Variants in HELZ observed in about 807,000 individuals in gnomAD.
HELZ encodes ATP-dependent RNA helicase with zinc finger domain.
Under a neutral mutation model 218.2 loss-of-function variants are expected in HELZ, and 23 were observed. The observed-to-expected ratio is 0.11, with a 90% CI of 0.08 to 0.15. HELZ has a LOEUF of 0.15. Ranked by LOEUF, HELZ falls within the 10% of genes least tolerant of loss-of-function variation. The probability of loss-of-function intolerance (pLI) is 1.00; values close to 1 mark genes in which losing one functional copy is unlikely to be tolerated. For synonymous variants in HELZ, 814 were observed against 829.4 expected, an observed-to-expected ratio of 0.98 and a Z score of 0.32; for missense variants, 1,813 against 2,353.7, an observed-to-expected ratio of 0.77 and a Z score of 4.75.
rs9891672 is a variant in HELZ, at chr17:67,231,465, C to T, written c.-19+7968G>A. 1.8e-3 allele frequency among the ~76,000 whole-genome samples: 274 copies of T among 151,762 alleles called. 1 individual carries two copies. Among genetic ancestry groups the T allele is most frequent in the African/African-American group, 6.2e-3 (257 of 41,420 alleles). On this transcript the variant is annotated intron_variant, in intron 3 of 32. Coordinates refer to ENST00000358691, the MANE Select transcript of HELZ (RefSeq NM_014877.4). ...ACAATTAGCCAGGCGTGGTGGCAGG[C>T]GCCTGTAGTCCTAGCTACTCGGGAG...
At chr17:67,209,631 T>C (rs1032674708) in intron 5 of HELZ, among the ~76,000 whole-genome samples, 1 of 152,088 alleles carries the variant, frequency 6.6e-6, no homozygotes, top group African/African-American at 2.4e-5. Flanking sequence ...AGCTGAAGTA[T>C]ACACAAGTAG....
At chr17:67,204,085 A>G (rs1385503646) in intron 5 of HELZ, among the ~76,000 whole-genome samples, 1 of 152,234 alleles carries the variant, frequency 6.6e-6, no homozygotes, top group Non-Finnish European at 1.5e-5. Flanking sequence ...CAATTAGTAG[A>G]GCAATCTATA....
Position 67,070,850 on chromosome 17 carries a change from A to AACCTGACCACC in HELZ, c.*7391_*7401dup, listed in dbSNP as rs2035869200. Reference sequence around the variant, plus strand: ...GTATAACTGGTACTTTGAAGAGATGAACCTGACCACCTCAGTTTTGTACAG... The same window carrying AACCTGACCACC: ...GTATAACTGGTACTTTGAAGAGATGAACCTGACCACCACCTGACCACCTCAGTTTTGTACAG... On this transcript the variant is annotated 3_prime_UTR_variant, in exon 33 of 33. Coordinates refer to ENST00000358691, the MANE Select transcript of HELZ (RefSeq NM_014877.4). 1 of 152,182 alleles carries AACCTGACCACC rather than the reference A, an allele frequency of 6.6e-6. No homozygotes were observed. The highest frequency in any genetic ancestry group is 1.5e-5 in the Non-Finnish European group (1 of 68,026). 9.4% of individuals were successfully genotyped at this position (152,182 alleles called of 1,614,324 possible).
chr17:67,109,458 G>C lies in HELZ; in HGVS notation c.4147C>G (p.Gln1383Glu). ...IPQQHTLLNQ[Q>E]QNNLPEQPNQ... ...GGTTGTTCAGGCAAATTATTCTGCT[G>C]CTGATTTAACAAGGTGTGCTGCTGT... The change falls in exon 29 of 33, where the codon CAG (glutamine) becomes GAG (glutamate). Residue 1383 changes from glutamine (Q) to glutamate (E), a missense_variant. Gln to Glu is a conservative substitution (Grantham distance 29). Coordinates refer to ENST00000358691, the MANE Select transcript of HELZ (RefSeq NM_014877.4). 4 of 1,614,166 alleles carry C rather than the reference G, an allele frequency of 2.5e-6. No homozygotes were observed. The highest frequency in any genetic ancestry group is 1.1e-5 in the South Asian group (1 of 91,072).
chr17:67,114,274 G>T, intron 28 of HELZ, 50 bp downstream of exon 28: 2 of 1,189,036 alleles, frequency 1.7e-6, no homozygotes, highest in South Asian at 1.2e-5. Flanking sequence ...ATTCCAAGAT[G>T]ACCAATCAGA....
At chr17:67,213,202 G>A (rs2040502330) in intron 5 of HELZ, among the ~76,000 whole-genome samples, 1 of 152,148 alleles carries the variant, frequency 6.6e-6, no homozygotes, top group African/African-American at 2.4e-5. Context: ...GAAGAAAAAG[G>A]AACTATTTCT....
chr17:67,096,920 T>C (rs1194241585), intron 31 of HELZ, among the ~76,000 whole-genome samples: 3 of 152,250 alleles, frequency 2.0e-5, no homozygotes, highest in Non-Finnish European at 4.4e-5. Flanking sequence ...CTAACTGTTA[T>C]AAGAGGCCTA....
rs1488881864 is a variant in HELZ, at chr17:67,166,461, A to G, written c.1895+17T>C. On this transcript the variant is annotated intron_variant, in intron 15 of 32. Coordinates refer to ENST00000358691, the MANE Select transcript of HELZ (RefSeq NM_014877.4). ...TATTAACCTAACTTCCTTTAATAAG[A>G]TATCGCCTTTTTGTACCTGTTAGGA... 1 of 1,599,058 alleles carries G rather than the reference A, an allele frequency of 6.3e-7. No homozygotes were observed. Among genetic ancestry groups the G allele is most frequent in the African/African-American group, 1.3e-5 (1 of 74,558 alleles).
chr17:67,211,476 C>T (rs1387143704), intron 5 of HELZ, among the ~76,000 whole-genome samples: 3 of 152,116 alleles, frequency 2.0e-5, no homozygotes, highest in Admixed American at 1.3e-4. Context: ...TATGGCAAAA[C>T]ATTAGTTGTT....
At chr17:67,122,359 C>T (rs1283687057) in intron 26 of HELZ, among the ~76,000 whole-genome samples, 1 of 152,182 alleles carries the variant, frequency 6.6e-6, no homozygotes, top group Non-Finnish European at 1.5e-5. Context: ...TCCTGGCTAA[C>T]ATGGTGAAAC....
intron 15 of HELZ, among the ~76,000 whole-genome samples, chr17:67,164,811 G>A (rs953163322): frequency 3.3e-5 from 5 of 152,116 alleles, no homozygotes; most frequent in Admixed American, 2.6e-4. Context: ...ATACACAGGC[G>A]CTTTGGCTTA....
intron 31 of HELZ, among the ~76,000 whole-genome samples, chr17:67,088,962 C>T (rs1387249777): frequency 6.6e-6 from 1 of 152,172 alleles, no homozygotes; most frequent in Non-Finnish European, 1.5e-5. Context: ...AACCCTGGAT[C>T]ACAATGGCTG....
intron 7 of HELZ, among the ~76,000 whole-genome samples, chr17:67,200,023 C>T (rs887841791): frequency 6.6e-6 from 1 of 152,182 alleles, no homozygotes; most frequent in Non-Finnish European, 1.5e-5. Context: ...AATTTATTTA[C>T]TTGTTGTCTA....
chr17:67,141,659 A>T (rs2038329185), intron 21 of HELZ, among the ~76,000 whole-genome samples: 1 of 152,066 alleles, frequency 6.6e-6, no homozygotes, highest in Admixed American at 6.5e-5. Flanking sequence ...ATTTAATAAA[A>T]ATTTGAAGTA....
At chr17:67,112,447 C>T (rs1274995154) in intron 28 of HELZ, among the ~76,000 whole-genome samples, 5 of 152,180 alleles carry the variant, frequency 3.3e-5, no homozygotes, top group Non-Finnish European at 5.9e-5. Context: ...ACATGCCACT[C>T]GTTCTCTCTC....
intron 25 of HELZ, 67 bp downstream of exon 25, chr17:67,123,895 TG>T (rs2037700791): frequency 9.7e-7 from 1 of 1,032,370 alleles, no homozygotes; most frequent in Non-Finnish European, 1.5e-6. Flanking sequence ...CTCTTTCTTG[TG>T]GTGAAATTTG....
intron 32 of HELZ, among the ~76,000 whole-genome samples, chr17:67,084,458 C>T (rs1181934737): frequency 1.3e-5 from 2 of 151,078 alleles, no homozygotes; most frequent in Non-Finnish European, 3.0e-5. Context: ...GTCAGGAGAT[C>T]GAGACCATCC....
intron 31 of HELZ, among the ~76,000 whole-genome samples, chr17:67,088,263 T>C (rs1251874528): frequency 6.6e-6 from 1 of 152,202 alleles, no homozygotes; most frequent in Non-Finnish European, 1.5e-5. Context: ...AAATGATAAA[T>C]CTGCTGTTCA....
intron 32 of HELZ, among the ~76,000 whole-genome samples, chr17:67,086,061 A>G (rs757607847): frequency 1.3e-5 from 2 of 152,214 alleles, no homozygotes; most frequent in Non-Finnish European, 2.9e-5. Context: ...ATTATATAGC[A>G]AATTGTCAAC....
Sources: allele counts gnomAD v4.1 joint callset (sites outside exome capture counted in the v4.1 genomes callset), GRCh38; gene constraint gnomAD v4.1.1; transcripts MANE v1.5; gene names NCBI Gene and HGNC (gene_info 2026-07-23, HGNC 2026-07-21).